CPQ: variants seen among roughly 807,000 people sequenced by gnomAD.
CPQ encodes carboxypeptidase Q.
A neutral mutation model predicts 45.7 loss-of-function variants in CPQ; 37 were observed. The ratio of observed to expected loss-of-function variants is 0.81; its 90% confidence interval spans 0.62 to 1.07. The LOEUF (loss-of-function observed/expected upper bound fraction) is 1.07. Among genes scored for constraint, CPQ ranks in the 50% least tolerant of loss-of-function variants. CPQ has a pLI of 0.00. For synonymous variants in CPQ, 186 were observed against 205.8 expected (o/e 0.90, Z 0.82); for missense variants, 537 against 572.9 (o/e 0.94, Z 0.64).
chr8:96,671,882 T>C (rs1043255452), intron 1 of CPQ, among the ~76,000 whole-genome samples: 8 of 152,122 alleles, frequency 5.3e-5, no homozygotes, highest in African/African-American at 1.9e-4. Flanking sequence ...AATTGAAAAC[T>C]TGGGGCAACT....
At chr8:97,050,565 CA>C (rs1184653290) in intron 6 of CPQ, among the ~76,000 whole-genome samples, 1 of 151,994 alleles carries the variant, frequency 6.6e-6, no homozygotes, top group East Asian at 1.9e-4. Context: ...ACAGGAGATG[CA>C]AAAAATCAGA....
intron 3 of CPQ, among the ~76,000 whole-genome samples, chr8:96,864,117 G>A (rs1677299146): frequency 6.6e-6 from 1 of 151,984 alleles, no homozygotes; most frequent in Non-Finnish European, 1.5e-5. Flanking sequence ...AGAATTGAGG[G>A]AGAGGGTGGT....
At chr8:96,789,556 T>C (rs1408100266) in intron 2 of CPQ, among the ~76,000 whole-genome samples, 2 of 152,230 alleles carry the variant, frequency 1.3e-5, no homozygotes, top group African/African-American at 2.4e-5. Context: ...TGCCATTTGA[T>C]GTTTTTATGG....
intron 3 of CPQ, among the ~76,000 whole-genome samples, chr8:96,853,464 C>T (rs1020749812): frequency 1.3e-5 from 2 of 152,144 alleles, no homozygotes; most frequent in South Asian, 2.1e-4. Flanking sequence ...CAACCTTGCA[C>T]TGTGCTGTTA....
At chr8:96,719,507 C>G (rs898652854) in intron 1 of CPQ, among the ~76,000 whole-genome samples, 7 of 152,220 alleles carry the variant, frequency 4.6e-5, no homozygotes, top group Non-Finnish European at 1.0e-4. Flanking sequence ...GGGCTCTGGC[C>G]TTGGCCAGCC....
At chr8:97,014,127 C>T (rs1206182346) in intron 5 of CPQ, among the ~76,000 whole-genome samples, 1 of 152,028 alleles carries the variant, frequency 6.6e-6, no homozygotes, top group Non-Finnish European at 1.5e-5. Context: ...GCAGTTATAC[C>T]GAGAGGATTG....
chr8:96,985,105 G>T (rs1315775255), intron 5 of CPQ, among the ~76,000 whole-genome samples: 2 of 152,062 alleles, frequency 1.3e-5, no homozygotes, highest in Non-Finnish European at 2.9e-5. Context: ...GAATTTGGAA[G>T]ATATTATTTT....
chr8:96,906,671 G>A (rs566367604), intron 4 of CPQ, among the ~76,000 whole-genome samples: 1 of 152,272 alleles, frequency 6.6e-6, no homozygotes, highest in African/African-American at 2.4e-5. Flanking sequence ...CTTTCTCATA[G>A]ATGGGGCTTT....
At chr8:96,893,896 G>A (rs189247413) in intron 4 of CPQ, among the ~76,000 whole-genome samples, 79 of 152,154 alleles carry the variant, frequency 5.2e-4, no homozygotes, top group African/African-American at 1.8e-3. Flanking sequence ...AGGTGGAGCC[G>A]AATTCTCTTC....
At chr8:97,073,255 C>T (rs1207422342) in intron 7 of CPQ, among the ~76,000 whole-genome samples, 2 of 152,180 alleles carry the variant, frequency 1.3e-5, no homozygotes, top group Non-Finnish European at 2.9e-5. Flanking sequence ...TAAAACTTTC[C>T]ATTTCTACAT....
At chr8:96,926,833 C>T (rs1056755971) in intron 4 of CPQ, among the ~76,000 whole-genome samples, 2 of 152,020 alleles carry the variant, frequency 1.3e-5, no homozygotes, top group African/African-American at 2.4e-5. Context: ...CTCTAGCCCC[C>T]AAGCCCCGGA....
intron 3 of CPQ, among the ~76,000 whole-genome samples, chr8:96,856,129 C>T (rs1231834318): frequency 6.6e-6 from 1 of 152,188 alleles, no homozygotes; most frequent in Non-Finnish European, 1.5e-5. Flanking sequence ...TGCATTTTAT[C>T]CTGATTGGAA....
chr8:97,087,635 T>A (rs533287161), intron 7 of CPQ, among the ~76,000 whole-genome samples: 1 of 152,338 alleles, frequency 6.6e-6, no homozygotes, highest in South Asian at 2.1e-4. Context: ...TGAGCTAAAT[T>A]AGCCAAGTTT....
At position 96,760,766 on chromosome 8, in the gene CPQ, G is replaced by A. The variant is rs771303902; in HGVS notation, c.-34-24098G>A. On this transcript the variant is annotated intron_variant, in intron 1 of 7. Coordinates refer to ENST00000220763, the MANE Select transcript of CPQ (RefSeq NM_016134.4). The stretch of plus-strand genomic sequence containing the variant: ...CGTAGGAACTGGGACTTAAAAACCA[G>A]CAGAAACACATTGGTAAACATCATA... 7.9e-5 allele frequency among the ~76,000 whole-genome samples: 12 copies of A among 152,306 alleles called. 1 individual carries two copies. The South Asian group carries it at 1.0e-3, about 13-fold the overall frequency.
intron 7 of CPQ, among the ~76,000 whole-genome samples, chr8:97,104,100 A>G (rs991189637): frequency 6.6e-6 from 1 of 152,200 alleles, no homozygotes; most frequent in Non-Finnish European, 1.5e-5. Flanking sequence ...TAAAGCACCT[A>G]CTAGTATGCA....
rs1286518084 is a variant in CPQ, at chr8:96,891,821, A to G, written c.849+11816A>G. ...GATAGAAGGTGGTAAGTGCCACAGT[A>G]TGGCAGCTACATGCTTCTATAGGGG... is the stretch of plus-strand genomic sequence containing the variant. On this transcript the variant is annotated intron_variant, in intron 4 of 7. Coordinates refer to ENST00000220763, the MANE Select transcript of CPQ (RefSeq NM_016134.4). 2.6e-5 allele frequency among the ~76,000 whole-genome samples: 4 copies of G among 152,354 alleles called. No homozygotes were observed. In the South Asian group the frequency reaches 6.2e-4, roughly 24 times the overall value.
intron 1 of CPQ, among the ~76,000 whole-genome samples, chr8:96,779,709 A>T (rs1041451955): frequency 3.9e-5 from 6 of 152,196 alleles, no homozygotes; most frequent in African/African-American, 1.4e-4. Context: ...AATGAGAAGT[A>T]GATATTTGTG....
At chr8:96,646,617 C>T (rs1166212981) in intron 1 of CPQ, among the ~76,000 whole-genome samples, 1 of 152,242 alleles carries the variant, frequency 6.6e-6, no homozygotes, top group East Asian at 1.9e-4. Flanking sequence ...GCCGTTCTTA[C>T]TTGCCAGGTC....
Position 96,740,809 on chromosome 8 carries a change from A to T in CPQ, c.-34-44055A>T, listed in dbSNP as rs556259809. Among the ~76,000 whole-genome samples the T allele has an allele frequency of 4.4e-4, 67 of 152,330 alleles. 1 individual carries two copies. The highest frequency in any genetic ancestry group is 1.6e-3 in the African/African-American group (67 of 41,562). On this transcript the variant is annotated intron_variant, in intron 1 of 7. Transcript: ENST00000220763. ...GAACCAGTCTTGCATCCCAGGGATG[A>T]AGCCCACTTGATCATGGTGGATAAG...
Sources: gnomAD v4.1 joint callset for allele counts (sites outside exome capture counted in the v4.1 genomes callset) on GRCh38, gnomAD v4.1.1 for gene constraint, MANE v1.5 for transcripts, NCBI Gene and HGNC (gene_info 2026-07-23, HGNC 2026-07-21) for gene names.